Variants in POP1 observed in about 807,000 individuals in gnomAD.
POP1 encodes POP1 ribonuclease P/MRP subunit.
POP1 carries 75 observed loss-of-function variants against 102.2 expected under a neutral mutation model. That is an observed-to-expected ratio of 0.73 (90% CI 0.61 to 0.89). POP1 has a LOEUF of 0.89. POP1 is among the 40% of genes least tolerant of loss of function. POP1 has a pLI of 0.00. For missense variants in POP1, 1,116 were observed against 1,267.4 expected, an observed-to-expected ratio of 0.88 and a Z score of 1.81; for synonymous variants, 436 against 464.1, an observed-to-expected ratio of 0.94 and a Z score of 0.78.
chr8:98,128,314 C>A, intron 3 of POP1, 51 bp from the exon 4 acceptor site: 1 of 1,574,594 alleles, frequency 6.4e-7, no homozygotes, highest in Non-Finnish European at 8.7e-7. Context: ...GTTTATTCTC[C>A]AATGTTAATT....
chr8:98,150,911 T>G (rs1809498287), intron 14 of POP1, among the ~76,000 whole-genome samples: 1 of 152,244 alleles, frequency 6.6e-6, no homozygotes, highest in Non-Finnish European at 1.5e-5. Context: ...GACATGAGTC[T>G]CAGACACTTG....
In POP1 at chr8:98,144,120, C is replaced by T. The variant is rs143277342; in HGVS notation, c.1595-2448C>T. Among the ~76,000 whole-genome samples the T allele has an allele frequency of 3.2e-4, 48 of 152,170 alleles. No homozygotes were observed. In the East Asian group the frequency reaches 8.5e-3, roughly 27 times the overall value. On this transcript the variant is annotated intron_variant, in intron 11 of 15. Transcript: ENST00000401707. Reference sequence around the variant, plus strand: ...GCAGTGAGCTGAGATCGCACCACCACACTCCAGTCTGGGCAACAGTTGAGC... The same window carrying T: ...GCAGTGAGCTGAGATCGCACCACCATACTCCAGTCTGGGCAACAGTTGAGC...
At chr8:98,121,870 A>G (rs1320532340) in intron 1 of POP1, among the ~76,000 whole-genome samples, 4 of 151,860 alleles carry the variant, frequency 2.6e-5, no homozygotes, top group African/African-American at 9.7e-5. Flanking sequence ...TTTTTTTAGT[A>G]GAGACGGGGT....
At chr8:98,138,070 CT>C (rs2130606249) in intron 9 of POP1, among the ~76,000 whole-genome samples, 1 of 152,336 alleles carries the variant, frequency 6.6e-6, no homozygotes, top group African/African-American at 2.4e-5. Context: ...AGTGTTGTCT[CT>C]TGCCTGAACA....
intron 1 of POP1, among the ~76,000 whole-genome samples, chr8:98,120,533 G>A (rs1478353007): frequency 6.6e-6 from 1 of 152,130 alleles, no homozygotes; most frequent in East Asian, 1.9e-4. Context: ...GTGCAGTGGC[G>A]TGATCTCGGC....
chr8:98,120,274 T>C (rs1040666397), intron 1 of POP1, among the ~76,000 whole-genome samples: 2 of 152,236 alleles, frequency 1.3e-5, no homozygotes, highest in African/African-American at 4.8e-5. Context: ...TGTTTTTGCA[T>C]GTAGATATAG....
chr8:98,142,104 T>C (rs1816721109), intron 11 of POP1, among the ~76,000 whole-genome samples: 1 of 152,186 alleles, frequency 6.6e-6, no homozygotes, highest in African/African-American at 2.4e-5. Flanking sequence ...TACTACACCA[T>C]TAAATGTTGA....
At chr8:98,120,341 T>G (rs139425367) in intron 1 of POP1, among the ~76,000 whole-genome samples, 1 of 152,368 alleles carries the variant, frequency 6.6e-6, no homozygotes, top group African/African-American at 2.4e-5. Flanking sequence ...CATCAATCCC[T>G]GCTATTTCAT....
chr8:98,138,839 TA>T (rs1816623876), intron 9 of POP1, among the ~76,000 whole-genome samples: 1 of 151,170 alleles, frequency 6.6e-6, no homozygotes, highest in East Asian at 1.9e-4. Context: ...GTACCTTTGT[TA>T]TGATTGCTTT....
rs555639918 is a variant in POP1 at position 98,145,556 on chromosome 8, C to T, written c.1595-1012C>T. Among the ~76,000 whole-genome samples the T allele has an allele frequency of 2.0e-4, 31 of 152,174 alleles. No individual in the cohort carries two copies. The South Asian group carries it at 5.0e-3, about 24-fold the overall frequency. On this transcript the variant is annotated intron_variant, in intron 11 of 15. Coordinates refer to ENST00000401707, the MANE Select transcript of POP1 (RefSeq NM_001145860.2). Reference sequence around the variant, plus strand: ...CTTCCTGCTTGAGTACTTTCTAGCACGGTACAGCTTATTTAAAGGGATAAA... The same window carrying T: ...CTTCCTGCTTGAGTACTTTCTAGCATGGTACAGCTTATTTAAAGGGATAAA...
chr8:98,121,863 T>C (rs1454447332), intron 1 of POP1, among the ~76,000 whole-genome samples: 1 of 151,998 alleles, frequency 6.6e-6, no homozygotes, highest in Non-Finnish European at 1.5e-5. Flanking sequence ...TTTTGTATTT[T>C]TTTAGTAGAG....
rs532975558 is a variant in POP1, at chr8:98,151,177, C to T, written c.2057+538C>T. Among the ~76,000 whole-genome samples, 6 of 152,248 alleles carry T rather than the reference C, an allele frequency of 3.9e-5. No individual in the cohort carries two copies. In the East Asian group the frequency reaches 1.2e-3, roughly 29 times the overall value. ...CTTGGCTCACTGAAACCTCTGCCTC[C>T]TGGGCTCAAGCGATTCTTTCACCTC... is the stretch of plus-strand genomic sequence containing the variant. On this transcript the variant is annotated intron_variant, in intron 14 of 15. Transcript: ENST00000401707.
intron 2 of POP1, among the ~76,000 whole-genome samples, chr8:98,124,191 G>A (rs1017074645): frequency 2.0e-5 from 3 of 152,134 alleles, no homozygotes; most frequent in Non-Finnish European, 4.4e-5. Flanking sequence ...AGGTCACTTA[G>A]CATTTCTAGA....
intron 2 of POP1, among the ~76,000 whole-genome samples, chr8:98,126,453 C>A (rs1199878472): frequency 6.6e-6 from 1 of 152,128 alleles, no homozygotes; most frequent in Non-Finnish European, 1.5e-5. Flanking sequence ...TCAGCATTCC[C>A]ATGGGAAAAA....
Position 98,136,865 on chromosome 8 carries a change from T to A in POP1, c.1273T>A (p.Leu425Met). 1 of 1,613,814 alleles carries A rather than the reference T, an allele frequency of 6.2e-7. No homozygotes were observed. The highest frequency in any genetic ancestry group is 1.1e-5 in the South Asian group (1 of 91,078). The stretch of plus-strand genomic sequence containing the variant: ...AAGATGTTCTTTCTTTTTCAGCGAT[T>A]TGACGATGGAGATGAACAGATTCCG... ...SPTTGIIISD[L>M]TMEMNRFRLI... Residue 425 changes from leucine to methionine, a missense_variant, in exon 9 of 16, where the codon TTG becomes ATG. Coordinates refer to ENST00000401707, the MANE Select transcript of POP1 (RefSeq NM_001145860.2).
chr8:98,136,823 A>G (rs766900980), intron 8 of POP1, 38 bp from the exon 9 acceptor site: 2 of 1,608,394 alleles, frequency 1.2e-6, no homozygotes, highest in African/African-American at 2.7e-5. Context: ...ATGTTGTGTG[A>G]TGAAAGTTTC....
chr8:98,156,962 T>G (rs949542398), intron 15 of POP1, among the ~76,000 whole-genome samples: 6 of 142,454 alleles, frequency 4.2e-5, no homozygotes, highest in Admixed American at 3.0e-4. Context: ...AGTGCAGAGG[T>G]GTGATCTTGG....
Position 98,134,357 on chromosome 8 carries a change from C to T in POP1, c.824-115C>T, listed in dbSNP as rs540461733. ...CAGGCTTTGATCTGAGCAATCCTCACAACCAAAACTTCACCTCTCATGGAG... is the reference window on the plus strand; with the variant it reads ...CAGGCTTTGATCTGAGCAATCCTCATAACCAAAACTTCACCTCTCATGGAG... On this transcript the variant is annotated intron_variant, in intron 6 of 15. Transcript: ENST00000401707. 3 of 1,090,262 alleles carry T rather than the reference C, an allele frequency of 2.8e-6. No individual in the cohort carries two copies. In the Admixed American group the frequency reaches 5.4e-5, roughly 20 times the overall value. 67.5% of individuals were successfully genotyped at this position (1,090,262 alleles called of 1,614,324 possible). A position where few individuals can be genotyped will look rare whatever the true frequency, so the allele number is the denominator to read the frequency against.
chr8:98,151,284 G>A (rs1261160819), intron 14 of POP1, among the ~76,000 whole-genome samples: 4 of 152,184 alleles, frequency 2.6e-5, no homozygotes, highest in Non-Finnish European at 5.9e-5. Context: ...GTTTCACCAT[G>A]TTGCCCAGGC....
Sources: allele counts gnomAD v4.1 joint callset (sites outside exome capture counted in the v4.1 genomes callset), GRCh38; gene constraint gnomAD v4.1.1; transcripts MANE v1.5; gene names NCBI Gene and HGNC (gene_info 2026-07-23, HGNC 2026-07-21).